Variants in SYT16 observed in about 807,000 individuals in gnomAD.
The protein encoded by SYT16 is synaptotagmin-16.
SYT16 carries 42 observed loss-of-function variants against 61.4 expected under a neutral mutation model. The observed-to-expected ratio is 0.68, with a 90% CI of 0.53 to 0.89. SYT16 has a LOEUF of 0.89. Ranked by LOEUF, SYT16 falls within the 40% of genes least tolerant of loss-of-function variation. The probability of loss-of-function intolerance (pLI) is 0.00; values close to 1 mark genes in which losing one functional copy is unlikely to be tolerated. For missense variants in SYT16, 804 were observed against 807.3 expected (o/e 1.00, Z 0.05); for synonymous variants, 314 against 302.3 (o/e 1.04, Z -0.40).
At chr14:61,921,332 T>C (rs1169852396) in intron 1 of SYT16, among the ~76,000 whole-genome samples, 1 of 152,174 alleles carries the variant, frequency 6.6e-6, no homozygotes, top group East Asian at 1.9e-4. Context: ...CTAACTCCAT[T>C]GTTCCTTATT....
At chr14:61,936,887 A>G (rs151332239) in intron 1 of SYT16, among the ~76,000 whole-genome samples, 132 of 152,330 alleles carry the variant, frequency 8.7e-4, no homozygotes, top group African/African-American at 3.0e-3. Context: ...TAAAAATGGC[A>G]GCATTTATAC....
Position 61,946,375 on chromosome 14 carries a change from G to T in SYT16, c.-324-23757G>T, listed in dbSNP as rs2050437544. ...GATATGCGTGGAATATCCACTCATGGATAGAGTGGAATAATAGATGTTGGA... is the reference window on the plus strand; with the variant it reads ...GATATGCGTGGAATATCCACTCATGTATAGAGTGGAATAATAGATGTTGGA... On this transcript the variant is annotated intron_variant, in intron 1 of 7. Coordinates refer to ENST00000683842, the MANE Select transcript of SYT16 (RefSeq NM_001367656.1). Among the ~76,000 whole-genome samples the T allele has an allele frequency of 2.0e-5, 3 of 152,122 alleles. No homozygotes were observed. In the South Asian group the frequency reaches 6.2e-4, roughly 31 times the overall value.
intron 1 of SYT16, among the ~76,000 whole-genome samples, chr14:61,903,792 C>A (rs993126871): frequency 6.6e-6 from 1 of 152,142 alleles, no homozygotes. Flanking sequence ...TAAATAAATT[C>A]ATAAGCTTTA....
chr14:62,074,770 G>A (rs544981655), intron 4 of SYT16, among the ~76,000 whole-genome samples: 1 of 152,262 alleles, frequency 6.6e-6, no homozygotes, highest in South Asian at 2.1e-4. Context: ...GTAGAGTCGG[G>A]AGACCATACG....
rs764397012 is a variant in SYT16 at position 61,996,394 on chromosome 14, T to C, written c.375T>C (p.Asn125=). 1.7e-5 allele frequency: 27 copies of C among 1,613,386 alleles called. No homozygotes were observed. The highest frequency in any genetic ancestry group is 8.3e-5 in the Admixed American group (5 of 59,950). ...GTTCCACAATGTCCCAGTGGCCCAA[T>C]TGGGCCAGTGATGACCGCAAGTTAC... ...DSCSTMSQWP[N]WASDDRKLPH... Residue 125 remains asparagine, a synonymous_variant, in exon 3 of 8, where the codon AAT becomes AAC. Coordinates refer to ENST00000683842, the MANE Select transcript of SYT16 (RefSeq NM_001367656.1).
intron 4 of SYT16, 142 bp downstream of exon 4, chr14:62,069,957 G>C (rs776617109): frequency 2.0e-6 from 2 of 1,008,060 alleles, no homozygotes; most frequent in African/African-American, 1.6e-5. Flanking sequence ...GTGGAGCAAA[G>C]GGGCTGCTTT....
At chr14:62,059,615 T>C (rs1288275450) in intron 3 of SYT16, among the ~76,000 whole-genome samples, 3 of 150,484 alleles carry the variant, frequency 2.0e-5, no homozygotes, top group Non-Finnish European at 3.0e-5. Context: ...GGGTATTCTA[T>C]AGTTTAAAGT....
At chr14:61,843,818 A>C (rs2046366182) in intron 1 of SYT16, among the ~76,000 whole-genome samples, 1 of 152,156 alleles carries the variant, frequency 6.6e-6, no homozygotes, top group African/African-American at 2.4e-5. Flanking sequence ...TCTGTAGCAT[A>C]ATTTGAAGTC....
At chr14:61,888,769 T>TAAAAAAAAA (rs35694977) in intron 1 of SYT16, among the ~76,000 whole-genome samples, 1 of 104,298 alleles carries the variant, frequency 9.6e-6, no homozygotes. Context: ...CTTCAATTTG[T>TAAAAAAAAA]AAAAAAAAAA....
At chr14:62,022,038 T>C (rs1397245118) in intron 3 of SYT16, among the ~76,000 whole-genome samples, 1 of 148,404 alleles carries the variant, frequency 6.7e-6, no homozygotes, top group Non-Finnish European at 1.5e-5. Flanking sequence ...AAATCTCTTC[T>C]TTTTCTTTTT....
intron 1 of SYT16, among the ~76,000 whole-genome samples, chr14:61,967,633 T>C: frequency 6.6e-6 from 1 of 152,118 alleles, no homozygotes; most frequent in East Asian, 1.9e-4. Context: ...TTTTGCTGTC[T>C]CATAAGGACA....
chr14:62,044,510 T>A (rs921935772), intron 3 of SYT16, among the ~76,000 whole-genome samples: 3 of 152,114 alleles, frequency 2.0e-5, no homozygotes, highest in African/African-American at 7.2e-5. Flanking sequence ...GTCCATGTGC[T>A]CTCATTGTTC....
chr14:62,027,396 T>A (rs2054142218), intron 3 of SYT16, among the ~76,000 whole-genome samples: 1 of 152,182 alleles, frequency 6.6e-6, no homozygotes, highest in African/African-American at 2.4e-5. Flanking sequence ...AACCTCAGTT[T>A]CTGGTTGGTA....
At chr14:61,984,611 A>G (rs2052224405) in intron 2 of SYT16, among the ~76,000 whole-genome samples, 1 of 152,194 alleles carries the variant, frequency 6.6e-6, no homozygotes. Context: ...GAAGACTGCA[A>G]GGTATTTGCT....
At chr14:62,003,047 T>C (rs2053084478) in intron 3 of SYT16, among the ~76,000 whole-genome samples, 1 of 152,040 alleles carries the variant, frequency 6.6e-6, no homozygotes, top group South Asian at 2.1e-4. Context: ...TACCTCCCTT[T>C]GGGTCCCTCC....
intron 1 of SYT16, among the ~76,000 whole-genome samples, chr14:61,863,057 A>G (rs935123961): frequency 6.6e-6 from 1 of 152,254 alleles, no homozygotes; most frequent in Middle Eastern, 3.2e-3. Flanking sequence ...AGTTTTGGCA[A>G]TTATGAGTAA....
At chr14:61,986,780 A>G (rs1324804457) in intron 2 of SYT16, among the ~76,000 whole-genome samples, 1 of 152,238 alleles carries the variant, frequency 6.6e-6, no homozygotes, top group Non-Finnish European at 1.5e-5. Flanking sequence ...AGACTGTAGA[A>G]ACATGCAAAA....
chr14:62,018,298 C>CTTT (rs776473522), intron 3 of SYT16, among the ~76,000 whole-genome samples: 4,684 of 51,684 alleles, frequency 0.091, 1,018 homozygotes, highest in Non-Finnish European at 0.12. Context: ...TCTTCTTCTT[C>CTTT]TTTTTTTTTT....
At chr14:61,885,892 G>A (rs1013803755) in intron 1 of SYT16, among the ~76,000 whole-genome samples, 6 of 151,948 alleles carry the variant, frequency 3.9e-5, no homozygotes, top group African/African-American at 1.5e-4. Context: ...TTTGCTTGAG[G>A]GTTTTGCTTC....
Sources: gnomAD v4.1 joint callset for allele counts (sites outside exome capture counted in the v4.1 genomes callset) on GRCh38, gnomAD v4.1.1 for gene constraint, MANE v1.5 for transcripts, NCBI Gene and HGNC (gene_info 2026-07-23, HGNC 2026-07-21) for gene names.